HEMK1: variants seen among roughly 807,000 people sequenced by gnomAD.
HEMK1 encodes the protein HemK methyltransferase 1, mitochondrial release factors N(5)-glutamine, also known as MTRF1L release factor glutamine methyltransferase.
Under a neutral mutation model 47.9 loss-of-function variants are expected in HEMK1, and 36 were observed. The observed-to-expected ratio is 0.75, with a 90% confidence interval of 0.58 to 0.99. HEMK1 has a LOEUF of 0.99. Among genes scored for constraint, HEMK1 ranks in the 50% least tolerant of loss-of-function variants. HEMK1 has a pLI of 0.00. For missense variants in HEMK1, 383 were observed against 434.5 expected (o/e 0.88, Z 1.05); for synonymous variants, 153 against 165.4 (o/e 0.93, Z 0.57).
chr3:50,577,312 C>G, intron 5 of HEMK1, 126 bp downstream of exon 5: 2 of 1,220,528 alleles, frequency 1.6e-6, no homozygotes, highest in Non-Finnish European at 2.3e-6. Context: ...GAGGACAGGG[C>G]TGCCCCTAGC....
chr3:50,570,799 T>C (rs1700867888), intron 1 of HEMK1, 132 bp from the exon 2 acceptor site: 4 of 276,542 alleles, frequency 1.4e-5, no homozygotes, highest in Non-Finnish European at 2.0e-5. Flanking sequence ...AATGATCAAA[T>C]AGGTGGGTAA....
intron 5 of HEMK1, 138 bp from the exon 6 acceptor site, chr3:50,577,371 C>G (rs1701697844): frequency 3.4e-6 from 4 of 1,160,156 alleles, no homozygotes; most frequent in Non-Finnish European, 1.3e-6. Context: ...TCTGGCTAGA[C>G]TTTGGCCAAG....
At chr3:50,577,995 C>A in intron 7 of HEMK1, 120 bp downstream of exon 7, 1 of 867,828 alleles carries the variant, frequency 1.2e-6, no homozygotes. Context: ...CCACACACAA[C>A]ACACACACAT....
rs2107500186 is a variant in HEMK1 at position 50,580,117 on chromosome 3, A to G, written c.868A>G (p.Ser290Gly). 1 of 1,612,884 alleles carries G rather than the reference A, an allele frequency of 6.2e-7. No homozygotes were observed. The highest frequency in any genetic ancestry group is 1.7e-4 in the Middle Eastern group (1 of 6,058). The change falls in exon 10 of 11, where the codon AGT becomes GGT. Residue 290 changes from serine to glycine, a missense_variant and splice_region_variant. Physicochemically the swap from Ser to Gly is moderately conservative, Grantham distance 56. Coordinates refer to ENST00000232854, the MANE Select transcript of HEMK1 (RefSeq NM_016173.5). ...LAPRLLKDSG[S>G]IFLEVDPRHP... Reference sequence around the variant, plus strand: ...CCCACCCATTTCTCCCCCATGTAGTAGTATCTTCTTAGAAGTGGACCCAAG... The same window carrying G: ...CCCACCCATTTCTCCCCCATGTAGTGGTATCTTCTTAGAAGTGGACCCAAG...
intron 3 of HEMK1, 77 bp downstream of exon 3, chr3:50,571,878 A>T (rs1355826951): frequency 7.1e-7 from 1 of 1,416,248 alleles, no homozygotes; most frequent in Admixed American, 1.7e-5. Flanking sequence ...CACCAAGTTC[A>T]GGGAGGAGGA....
In HEMK1 at chr3:50,594,049, T is replaced by A. The variant is rs1353629476; in HGVS notation, c.*13632T>A. The A allele has an allele frequency of 6.6e-6, 1 of 152,198 alleles. No individual in the cohort carries two copies. Among genetic ancestry groups the A allele is most frequent in the African/African-American group, 2.4e-5 (1 of 41,462 alleles). The allele number at this position is 152,198 out of a possible 1,614,324, so 9.4% of individuals were successfully genotyped here. ...CCTGTCTTTTCCTTTTTAATACTTA[T>A]GGCTCTTATTTATTTTCCTTGTTTA... On this transcript the variant is annotated 3_prime_UTR_variant, in exon 11 of 11. Coordinates refer to ENST00000232854, the MANE Select transcript of HEMK1 (RefSeq NM_016173.5).
Position 50,592,364 on chromosome 3 carries a change from C to G in HEMK1, c.*11947C>G, listed in dbSNP as rs1358407529. 1 of 152,164 alleles carries G rather than the reference C, an allele frequency of 6.6e-6. No homozygotes were observed. The highest frequency in any genetic ancestry group is 2.4e-5 in the African/African-American group (1 of 41,418). 9.4% of individuals were successfully genotyped at this position (152,164 alleles called of 1,614,324 possible). A position where few individuals can be genotyped will look rare whatever the true frequency, so the allele number is the denominator to read the frequency against. ...CAGGCTCCTCCCAGCTTTCACTAAC[C>G]AACCCCAGGATTTCCAATACCGGTG... On this transcript the variant is annotated 3_prime_UTR_variant, in exon 11 of 11. Transcript: ENST00000232854.
At position 50,580,510 on chromosome 3, in the gene HEMK1, T is replaced by A. The variant is rs943600037; in HGVS notation, c.*93T>A. The A allele has an allele frequency of 1.6e-6, 2 of 1,276,992 alleles. No individual in the cohort carries two copies. Among genetic ancestry groups the A allele is most frequent in the African/African-American group, 3.0e-5 (2 of 67,658 alleles). The allele number at this position is 1,276,992 out of a possible 1,614,324, so 79.1% of individuals were successfully genotyped here. ...CCAGAGCCCAGGTTCTTATGGCATT[T>A]CCCAGGGTTCTGTGATTTCCCCATG... is the stretch of plus-strand genomic sequence containing the variant. On this transcript the variant is annotated 3_prime_UTR_variant, in exon 11 of 11. Coordinates refer to ENST00000232854, the MANE Select transcript of HEMK1 (RefSeq NM_016173.5).
rs1056833724 is a variant in HEMK1, at chr3:50,592,284, C to T, written c.*11867C>T. On this transcript the variant is annotated 3_prime_UTR_variant, in exon 11 of 11. Coordinates refer to ENST00000232854, the MANE Select transcript of HEMK1 (RefSeq NM_016173.5). ...CCCCTGAGAACCACACTCCGTTGAC[C>T]TCTGGGAAATGGAGGCTGGTGATTC... 3 of 151,946 alleles carry T rather than the reference C, an allele frequency of 2.0e-5. No individual in the cohort carries two copies. The highest frequency in any genetic ancestry group is 7.3e-5 in the African/African-American group (3 of 41,348). The allele number at this position is 151,946 out of a possible 1,614,324, so 9.4% of individuals were successfully genotyped here.
chr3:50,582,386 C>G lies in HEMK1; in HGVS notation c.*1969C>G, dbSNP rs943218652. On this transcript the variant is annotated 3_prime_UTR_variant, in exon 11 of 11. Coordinates refer to ENST00000232854, the MANE Select transcript of HEMK1 (RefSeq NM_016173.5). ...ACTGGCAGGCGGGGCCTCAAGCCTG[C>G]AGCCACTGGCTTGATTGGGCCCTGG... 6 of 152,176 alleles carry G rather than the reference C, an allele frequency of 3.9e-5. No homozygotes were observed. Among genetic ancestry groups the G allele is most frequent in the African/African-American group, 1.4e-4 (6 of 41,444 alleles). The allele number at this position is 152,176 out of a possible 1,614,324, so 9.4% of individuals were successfully genotyped here.
chr3:50,580,332 C>T lies in HEMK1; in HGVS notation c.981-49C>T, dbSNP rs1446476538. On this transcript the variant is annotated intron_variant, in intron 10 of 10. Transcript: ENST00000232854. The stretch of plus-strand genomic sequence containing the variant: ...GAGTGTGCTGTTCCCACTTCCTGTT[C>T]ATTCCCTGAGGCCCAGGTGGTAACC... The T allele has an allele frequency of 1.9e-6, 3 of 1,612,354 alleles. No individual in the cohort carries two copies. The African/African-American group carries it at 4.0e-5, about 22-fold the overall frequency.
At chr3:50,573,531 T>C (rs911700564) in intron 4 of HEMK1, among the ~76,000 whole-genome samples, 1 of 152,182 alleles carries the variant, frequency 6.6e-6, no homozygotes, top group African/African-American at 2.4e-5. Context: ...TTGGCTCCCA[T>C]GTGGCCCCCT....
At position 50,580,786 on chromosome 3, in the gene HEMK1, C is replaced by T. The variant is rs1393507633; in HGVS notation, c.*369C>T. 1 of 336,772 alleles carries T rather than the reference C, an allele frequency of 3.0e-6. No homozygotes were observed. The highest frequency in any genetic ancestry group is 5.6e-6 in the Non-Finnish European group (1 of 178,934). The allele number at this position is 336,772 out of a possible 1,614,324, so 20.9% of individuals were successfully genotyped here. A position where few individuals can be genotyped will look rare whatever the true frequency, so the allele number is the denominator to read the frequency against. On this transcript the variant is annotated 3_prime_UTR_variant, in exon 11 of 11. Transcript: ENST00000232854. ...CCCCAGCAGGGCTGGCCGTCAGTCC[C>T]CTGCTTGGTAGTGGTGTGGGGGTGC... is the stretch of plus-strand genomic sequence containing the variant.
Position 50,580,412 on chromosome 3 carries a change from C to A in HEMK1, c.1012C>A (p.Pro338Thr). 1 of 1,614,124 alleles carries A rather than the reference C, an allele frequency of 6.2e-7. No individual in the cohort carries two copies. The highest frequency in any genetic ancestry group is 8.5e-7 in the Non-Finnish European group (1 of 1,180,002). The change falls in exon 11 of 11, where the codon CCA (proline) becomes ACA (threonine). Residue 338 changes from proline (P) to threonine (T), a missense_variant. By Grantham distance (38) the Pro-to-Thr change is conservative. Transcript: ENST00000232854. ...PRFLHIRRSG[P>T] ...GTTCCTGCATATCCGGAGGTCTGGGCCATAGCATGGCTGCCCTGTGGATGC... is the reference window on the plus strand; with the variant it reads ...GTTCCTGCATATCCGGAGGTCTGGGACATAGCATGGCTGCCCTGTGGATGC...
chr3:50,577,234 T>C, intron 5 of HEMK1, 48 bp downstream of exon 5: 1 of 1,571,268 alleles, frequency 6.4e-7, no homozygotes. Context: ...ACACTCACTG[T>C]CCCTCCCATT....
Position 50,582,166 on chromosome 3 carries a change from C to CT in HEMK1, c.*1750dup, listed in dbSNP as rs201177824. 1,992 of 152,444 alleles carry CT rather than the reference C, an allele frequency of 0.013. 21 individuals are homozygous for CT. Among genetic ancestry groups the CT allele is most frequent in the Non-Finnish European group, 0.022 (1,506 of 68,116 alleles). The allele number at this position is 152,444 out of a possible 1,614,324, so 9.4% of individuals were successfully genotyped here. A position where few individuals can be genotyped will look rare whatever the true frequency, so the allele number is the denominator to read the frequency against. On this transcript the variant is annotated 3_prime_UTR_variant, in exon 11 of 11. Transcript: ENST00000232854. ...TCCTGGCTTCCCTGATGGTCTCTCC[C>CT]TCCTGGCCTCAGGCCCATTCCTGAG...
chr3:50,576,400 T>C (rs1701595589), intron 4 of HEMK1, among the ~76,000 whole-genome samples: 1 of 152,180 alleles, frequency 6.6e-6, no homozygotes, highest in African/African-American at 2.4e-5. Context: ...CAGGTATGGT[T>C]CTTAGCTTTT....
chr3:50,589,651 C>G lies in HEMK1; in HGVS notation c.*9234C>G, dbSNP rs2031615411. 6.6e-6 allele frequency: 1 copy of G among 152,140 alleles called. No individual in the cohort carries two copies. Among genetic ancestry groups the G allele is most frequent in the African/African-American group, 2.4e-5 (1 of 41,418 alleles). The allele number at this position is 152,140 out of a possible 1,614,324, so 9.4% of individuals were successfully genotyped here. A position where few individuals can be genotyped will look rare whatever the true frequency, so the allele number is the denominator to read the frequency against. ...GTGGCTCACGCCTGTAATCCCAGCA[C>G]TCTGGGAGGCTGAGGCAGGCAGATC... On this transcript the variant is annotated 3_prime_UTR_variant, in exon 11 of 11. Coordinates refer to ENST00000232854, the MANE Select transcript of HEMK1 (RefSeq NM_016173.5).
chr3:50,575,279 AG>A (rs1200226089), intron 4 of HEMK1, among the ~76,000 whole-genome samples: 1 of 152,166 alleles, frequency 6.6e-6, no homozygotes, highest in Non-Finnish European at 1.5e-5. Flanking sequence ...AAAATTAGCC[AG>A]GCACAATGGT....
Sources: gnomAD v4.1 joint callset for allele counts (sites outside exome capture counted in the v4.1 genomes callset) on GRCh38, gnomAD v4.1.1 for gene constraint, MANE v1.5 for transcripts, NCBI Gene and HGNC (gene_info 2026-07-23, HGNC 2026-07-21) for gene names.